Variants in CELA3B observed in about 807,000 individuals in gnomAD.
CELA3B encodes the protein chymotrypsin like elastase 3B.
A neutral mutation model predicts 37.2 loss-of-function variants in CELA3B; 34 were observed. That is an observed-to-expected ratio of 0.91 (90% CI 0.70 to 1.22). The LOEUF is 1.22. Among genes scored for constraint, CELA3B ranks in the 50% most tolerant of loss-of-function variants. CELA3B has a pLI of 0.00. For synonymous variants in CELA3B, 127 were observed against 143.5 expected, an observed-to-expected ratio of 0.89 and a Z score of 0.82; for missense variants, 340 against 363.1, an observed-to-expected ratio of 0.94 and a Z score of 0.52.
At chr1:21,985,847 C>T (rs1312172969) in intron 6 of CELA3B, among the ~76,000 whole-genome samples, 2 of 151,682 alleles carry the variant, frequency 1.3e-5, no homozygotes, top group Non-Finnish European at 2.9e-5. Context: ...GCCGAGATCG[C>T]GCCCCTGCAC....
chr1:21,982,390 T>G (rs748880377), intron 4 of CELA3B, among the ~76,000 whole-genome samples: 2 of 151,358 alleles, frequency 1.3e-5, no homozygotes, highest in Non-Finnish European at 2.9e-5. Flanking sequence ...AGCTCAGGAG[T>G]TTGTGACCAG....
At chr1:21,978,609 A>C (rs1644785659) in intron 2 of CELA3B, among the ~76,000 whole-genome samples, 155 bp downstream of exon 2, 1 of 152,102 alleles carries the variant, frequency 6.6e-6, no homozygotes, top group African/African-American at 2.4e-5. Context: ...CTTCACGGGG[A>C]GGTTTTGCCC....
chr1:21,989,285 A>C lies in CELA3B; in HGVS notation c.*6A>C. On this transcript the variant is annotated 3_prime_UTR_variant, in exon 8 of 8. Transcript: ENST00000337107. ...AGACCATAGCAAGCCACTAGAACCA[A>C]GGCCCAGCTGGCAGTGCTGATCGAT... is the stretch of plus-strand genomic sequence containing the variant. 3 of 1,553,016 alleles carry C rather than the reference A, an allele frequency of 1.9e-6. No individual in the cohort carries two copies. Among genetic ancestry groups the C allele is most frequent in the Non-Finnish European group, 2.6e-6 (3 of 1,132,232 alleles).
At chr1:21,980,497 AG>A (rs1423620822) in intron 2 of CELA3B, among the ~76,000 whole-genome samples, 1 of 151,742 alleles carries the variant, frequency 6.6e-6, no homozygotes, top group Non-Finnish European at 1.5e-5. Context: ...AAAAAGTCAC[AG>A]GGCGAGGGGT....
Position 21,984,073 on chromosome 1 carries a change from G to C in CELA3B, c.500-116G>C, listed in dbSNP as rs541315698. The C allele has an allele frequency of 1.4e-5, 19 of 1,350,510 alleles. No individual in the cohort carries two copies. The East Asian group carries it at 2.3e-4, about 16-fold the overall frequency. The allele number at this position is 1,350,510 out of a possible 1,614,324, so 83.7% of individuals were successfully genotyped here. A position where few individuals can be genotyped will look rare whatever the true frequency, so the allele number is the denominator to read the frequency against. On this transcript the variant is annotated intron_variant, in intron 5 of 7. Transcript: ENST00000337107. ...CAAAGCATGCAGGACCATTTAGCGG[G>C]TGGGAGGAGAGTCCTCATCAGAGCA...
chr1:21,984,727 A>C (rs1644827731), intron 6 of CELA3B, among the ~76,000 whole-genome samples: 1 of 151,956 alleles, frequency 6.6e-6, no homozygotes, highest in Non-Finnish European at 1.5e-5. Context: ...CGTGTGGATC[A>C]CTTGAGGTCA....
chr1:21,988,757 G>A (rs78652364), intron 7 of CELA3B, among the ~76,000 whole-genome samples: 5,737 of 150,710 alleles, frequency 0.038, 2 homozygotes, highest in Non-Finnish European at 0.055. Context: ...AGGCATGGTG[G>A]CGTACGCCTG....
chr1:21,983,629 C>T (rs368491527), intron 4 of CELA3B, 65 bp from the exon 5 acceptor site: 77 of 1,591,672 alleles, frequency 4.8e-5, no homozygotes, highest in South Asian at 4.3e-4. Flanking sequence ...CCTGGAGCAA[C>T]GGCTGGAAGG....
In CELA3B at chr1:21,985,578, A is replaced by G. The variant is rs147268402; in HGVS notation, c.643-953A>G. 1.7e-4 allele frequency among the ~76,000 whole-genome samples: 25 copies of G among 150,716 alleles called. No homozygotes were observed. In the East Asian group the frequency reaches 4.9e-3, roughly 30 times the overall value. ...CAGATGTGAGCCACTTTCCTGGACT[A>G]GACCTTGTCTGTTAAAGAAAAAAAA... On this transcript the variant is annotated intron_variant, in intron 6 of 7. Transcript: ENST00000337107.
chr1:21,977,417 TCA>T lies in CELA3B; in HGVS notation c.43+339_43+340del, dbSNP rs751131632. On this transcript the variant is annotated intron_variant, in intron 1 of 7. Coordinates refer to ENST00000337107, the MANE Select transcript of CELA3B (RefSeq NM_007352.4). ...TCTGCTTACCACTCCAACTCTCCTC[TCA>T]CACTCCCCCTACCTGGCTCCATATT... Among the ~76,000 whole-genome samples the T allele has an allele frequency of 4.9e-3, 743 of 152,256 alleles. 2 individuals carry two copies. The highest frequency in any genetic ancestry group is 6.7e-3 in the Admixed American group (102 of 15,278).
chr1:21,982,024 C>T (rs1644809097), intron 4 of CELA3B, among the ~76,000 whole-genome samples: 1 of 152,148 alleles, frequency 6.6e-6, no homozygotes. Context: ...CGCGCCCTGC[C>T]ATATGAAAAA....
At chr1:21,986,184 CATG>C (rs1644837571) in intron 6 of CELA3B, among the ~76,000 whole-genome samples, 1 of 151,334 alleles carries the variant, frequency 6.6e-6, no homozygotes, top group African/African-American at 2.4e-5. Flanking sequence ...ACCTGGCCAA[CATG>C]GTGAAATCCC....
chr1:21,979,907 G>A (rs1644794719), intron 2 of CELA3B, among the ~76,000 whole-genome samples: 1 of 114,758 alleles, frequency 8.7e-6, no homozygotes, highest in African/African-American at 3.1e-5. Context: ...GAATATTTTA[G>A]GTTATTTGAT....
chr1:21,995,429 C>T (rs1287160267), intron 4 of CELA3B, among the ~76,000 whole-genome samples: 2 of 151,128 alleles, frequency 1.3e-5, no homozygotes, highest in South Asian at 4.2e-4. Context: ...TGAGACACTG[C>T]ACCCTGCTTG....
intron 7 of CELA3B, among the ~76,000 whole-genome samples, chr1:21,988,797 G>A (rs1644854963): frequency 1.3e-5 from 2 of 151,870 alleles, no homozygotes; most frequent in South Asian, 4.1e-4. Context: ...GGCTGAGGCA[G>A]GAGAATGGCA....
chr1:21,989,068 A>G (rs1484239413), intron 7 of CELA3B, among the ~76,000 whole-genome samples, 194 bp from the exon 8 acceptor site: 1 of 151,984 alleles, frequency 6.6e-6, no homozygotes, highest in Non-Finnish European at 1.5e-5. Flanking sequence ...TTAGTTAACA[A>G]TTTAATCAAG....
intron 2 of CELA3B, 81 bp downstream of exon 2, chr1:21,978,535 A>G (rs2152815298): frequency 1.3e-6 from 2 of 1,512,430 alleles, no homozygotes; most frequent in South Asian, 2.3e-5. Context: ...CAGCCTTGAC[A>G]CCATTGCTCC....
intron 4 of CELA3B, among the ~76,000 whole-genome samples, chr1:21,995,303 T>A (rs568835642): frequency 6.6e-6 from 1 of 150,772 alleles, no homozygotes; most frequent in Non-Finnish European, 1.5e-5. Context: ...CACGTCTGGC[T>A]AATTTTTGTA....
chr1:21,984,629 C>T (rs1435512553), intron 6 of CELA3B, among the ~76,000 whole-genome samples: 3 of 152,266 alleles, frequency 2.0e-5, no homozygotes, highest in African/African-American at 4.8e-5. Context: ...TGACCTCCAA[C>T]GCAGGTCAAT....
Sources: allele counts gnomAD v4.1 joint callset (sites outside exome capture counted in the v4.1 genomes callset), GRCh38; gene constraint gnomAD v4.1.1; transcripts MANE v1.5; gene names NCBI Gene and HGNC (gene_info 2026-07-23, HGNC 2026-07-21).